Variants in ANXA4 observed in about 807,000 individuals in gnomAD.
ANXA4 encodes annexin A4, also known as 35-beta calcimedin.
In ANXA4, 39 loss-of-function variants were observed where a neutral mutation model predicts 49.8. The observed-to-expected ratio is 0.78, with a 90% confidence interval of 0.61 to 1.02. The LOEUF (loss-of-function observed/expected upper bound fraction) is 1.02. Ranked by LOEUF, ANXA4 falls within the 50% of genes least tolerant of loss-of-function variation. ANXA4 has a pLI of 0.00. For missense variants in ANXA4, 360 were observed against 410.1 expected (o/e 0.88, Z 1.05); for synonymous variants, 134 against 152.5 (o/e 0.88, Z 0.89).
At chr2:69,785,430 A>G (rs1291135101) in intron 2 of ANXA4, among the ~76,000 whole-genome samples, 1 of 152,192 alleles carries the variant, frequency 6.6e-6, no homozygotes, top group Non-Finnish European at 1.5e-5. Flanking sequence ...CCTTGTACAA[A>G]TGCTCCATCC....
intron 2 of ANXA4, among the ~76,000 whole-genome samples, chr2:69,718,046 A>T (rs988666336): frequency 1.3e-5 from 2 of 152,172 alleles, no homozygotes; most frequent in African/African-American, 4.8e-5. Context: ...TGCATTTCAT[A>T]GCAGATGTTT....
chr2:69,651,828 G>GC (rs1559040645), intron 1 of ANXA4, among the ~76,000 whole-genome samples: 4 of 43,264 alleles, frequency 9.2e-5, no homozygotes, highest in Admixed American at 2.1e-4. Flanking sequence ...GGGGGGGGGG[G>GC]GCGGGGAGAC....
chr2:69,758,538 T>C (rs555063039), intron 1 of ANXA4, among the ~76,000 whole-genome samples: 1 of 152,164 alleles, frequency 6.6e-6, no homozygotes, highest in East Asian at 1.9e-4. Flanking sequence ...GGGAGGATTG[T>C]TTGAGCCCAG....
intron 2 of ANXA4, among the ~76,000 whole-genome samples, chr2:69,716,820 T>A (rs773832720): frequency 1.3e-5 from 2 of 152,186 alleles, no homozygotes; most frequent in Non-Finnish European, 2.9e-5. Context: ...GAAGTAAGTA[T>A]CATACATTTA....
intron 2 of ANXA4, among the ~76,000 whole-genome samples, chr2:69,702,748 T>G (rs1177631974): frequency 1.3e-5 from 2 of 152,156 alleles, no homozygotes; most frequent in East Asian, 1.9e-4. Context: ...ATCCCAGACA[T>G]CATCATTTCA....
chr2:69,744,185 G>A (rs4852984), intron 1 of ANXA4, among the ~76,000 whole-genome samples: 80,611 of 151,896 alleles, frequency 0.53, 21,808 homozygotes, highest in East Asian at 0.7. Context: ...ACACCCACCT[G>A]TAGTCCCAGC....
chr2:69,763,190 GC>G (rs1246457330), intron 1 of ANXA4, among the ~76,000 whole-genome samples: 4 of 152,158 alleles, frequency 2.6e-5, no homozygotes, highest in Admixed American at 1.3e-4. Flanking sequence ...ACAGAACCCT[GC>G]CCTGGCCCAG....
chr2:69,799,892 A>G (rs1673114556), intron 3 of ANXA4, among the ~76,000 whole-genome samples: 2 of 152,228 alleles, frequency 1.3e-5, no homozygotes, highest in African/African-American at 4.8e-5. Flanking sequence ...TAACAGTAAC[A>G]ACAACCGTAG....
chr2:69,786,438 TTTAAATAGATA>T (rs1672419995), intron 2 of ANXA4, among the ~76,000 whole-genome samples: 1 of 152,162 alleles, frequency 6.6e-6, no homozygotes, highest in Non-Finnish European at 1.5e-5. Context: ...AGGGGGATCT[TTTAAATAGATA>T]AGTCAGATCA....
chr2:69,735,008 C>G (rs6739197), intron 3 of ANXA4, among the ~76,000 whole-genome samples: 73,258 of 152,012 alleles, frequency 0.48, 18,171 homozygotes, highest in East Asian at 0.7. Flanking sequence ...TTGTCCCCAA[C>G]TCCACAAGAT....
At chr2:69,807,251 T>C (rs190838016) in intron 5 of ANXA4, among the ~76,000 whole-genome samples, 1 of 152,290 alleles carries the variant, frequency 6.6e-6, no homozygotes, top group East Asian at 1.9e-4. Flanking sequence ...TCTAGACAGC[T>C]AACTACTTTT....
intron 6 of ANXA4, chr2:69,808,665 T>G (rs1673556691): frequency 6.6e-6 from 1 of 151,714 alleles, no homozygotes; most frequent in African/African-American, 2.4e-5. Context: ...TTTCTTTTAT[T>G]TAGCCTTTTT....
chr2:69,740,774 C>T (rs540829984), upstream of ANXA4, among the ~76,000 whole-genome samples: 2 of 148,196 alleles, frequency 1.3e-5, no homozygotes, highest in Non-Finnish European at 3.0e-5. Context: ...CTCTGCCTCC[C>T]GGGCTTGGGT....
At chr2:69,659,260 A>G (rs762151619) in intron 2 of ANXA4, among the ~76,000 whole-genome samples, 11 of 152,240 alleles carry the variant, frequency 7.2e-5, no homozygotes, top group Admixed American at 1.3e-4. Flanking sequence ...AGACAAGACG[A>G]AAGTTAGACT....
chr2:69,769,240 G>A (rs775676121), intron 1 of ANXA4, among the ~76,000 whole-genome samples: 26 of 149,626 alleles, frequency 1.7e-4, no homozygotes, highest in Non-Finnish European at 3.1e-4. Flanking sequence ...CTATCAACAT[G>A]TGGGACCCAG....
Position 69,807,996 on chromosome 2 carries a change from C to A in ANXA4, c.397C>A (p.Gln133Lys). 1 of 1,613,938 alleles carries A rather than the reference C, an allele frequency of 6.2e-7. No homozygotes were observed. The highest frequency in any genetic ancestry group is 8.5e-7 in the Non-Finnish European group (1 of 1,179,868). Reference sequence around the variant, plus strand: ...GCGCATAAGCCAAACCTACCAGCAGCGTACGTGACATCCGCAGTGGCCCTG... The same window carrying A: ...GCGCATAAGCCAAACCTACCAGCAGAGTACGTGACATCCGCAGTGGCCCTG... Reference protein sequence around the residue: ...IRRISQTYQQQYGRSLEDDIR... With the variant: ...IRRISQTYQQKYGRSLEDDIR... The change falls in exon 6 of 13, where the codon CAA (glutamine) becomes AAA (lysine). Residue 133 changes from glutamine (Q) to lysine (K), a missense_variant and splice_region_variant. By Grantham distance (53) the Gln-to-Lys change is moderately conservative (BLOSUM62 1). Coordinates refer to ENST00000394295, the MANE Select transcript of ANXA4 (RefSeq NM_001153.5).
chr2:69,755,326 A>G (rs1671000477), intron 1 of ANXA4, among the ~76,000 whole-genome samples: 1 of 152,216 alleles, frequency 6.6e-6, no homozygotes, highest in Non-Finnish European at 1.5e-5. Context: ...ACACTTTAAA[A>G]TGGTTAAAAT....
chr2:69,815,796 G>C, intron 8 of ANXA4: 1 of 310,030 alleles, frequency 3.2e-6, no homozygotes, highest in Non-Finnish European at 6.1e-6. Context: ...CATGTGGTTA[G>C]TGGCAACTGT....
intron 2 of ANXA4, among the ~76,000 whole-genome samples, chr2:69,676,374 A>G (rs1677414083): frequency 6.6e-6 from 1 of 152,196 alleles, no homozygotes; most frequent in Non-Finnish European, 1.5e-5. Context: ...TCTCATGCGT[A>G]GTGAATGACA....
Sources: gnomAD v4.1 joint callset for allele counts (sites outside exome capture counted in the v4.1 genomes callset) on GRCh38, gnomAD v4.1.1 for gene constraint, MANE v1.5 for transcripts, NCBI Gene and HGNC (gene_info 2026-07-23, HGNC 2026-07-21) for gene names.